The following CDC42 variants were observed in gnomAD, a reference collection of about 807,000 sequenced individuals.
CDC42 encodes cell division control protein 42 homolog.
CDC42 carries 1 observed loss-of-function variant against 20.8 expected under a neutral mutation model. The ratio of observed to expected loss-of-function variants is 0.05; its 90% confidence interval spans 0.02 to 0.23. CDC42 has a LOEUF of 0.23. Ranked by LOEUF, CDC42 falls within the 10% of genes least tolerant of loss-of-function variation. CDC42 has a pLI of 1.00. For missense variants in CDC42, 49 were observed against 227.9 expected (o/e 0.21, Z 5.05); for synonymous variants, 72 against 84.8 (o/e 0.85, Z 0.83).
chr1:22,071,353 A>G (rs376215405), intron 1 of CDC42, among the ~76,000 whole-genome samples: 1 of 152,102 alleles, frequency 6.6e-6, no homozygotes, highest in African/African-American at 2.4e-5. Context: ...CGGAACAAGC[A>G]TTTCTAACAA....
At position 22,098,300 on chromosome 1, in the gene CDC42, G is replaced by C. The variant is rs1249254331; in HGVS notation, c.*6783G>C. Among the ~76,000 whole-genome samples, 3 of 151,928 alleles carry C rather than the reference G, an allele frequency of 2.0e-5. No homozygotes were observed. In the East Asian group the frequency reaches 5.8e-4, roughly 29 times the overall value. On this transcript the variant is annotated 3_prime_UTR_variant, in exon 6 of 6. Transcript: ENST00000656825. ...AGTTATCATTGAGGTCTCAAATGCA[G>C]TTCGGGTTCCTGGTTGGTGAACAAT...
intron 1 of CDC42, among the ~76,000 whole-genome samples, chr1:22,069,680 T>C (rs1323779410): frequency 6.7e-6 from 1 of 149,660 alleles, no homozygotes; most frequent in Non-Finnish European, 1.5e-5. Context: ...TTGCCCAAGC[T>C]GGTCTTGATT....
At chr1:22,062,773 T>C (rs868320101) in intron 1 of CDC42, among the ~76,000 whole-genome samples, 2 of 148,346 alleles carry the variant, frequency 1.3e-5, no homozygotes, top group Non-Finnish European at 3.0e-5. Flanking sequence ...AAAGATTTTT[T>C]CCGAACTTAT....
chr1:22,073,355 G>T (rs962180044), intron 1 of CDC42, among the ~76,000 whole-genome samples: 1 of 151,832 alleles, frequency 6.6e-6, no homozygotes, highest in African/African-American at 2.4e-5. Flanking sequence ...TGGCCAATGT[G>T]GCGAAACCCC....
chr1:22,070,620 C>T (rs929738299), intron 1 of CDC42, among the ~76,000 whole-genome samples: 19 of 152,038 alleles, frequency 1.2e-4, no homozygotes, highest in East Asian at 5.8e-4. Flanking sequence ...TCCACCACCA[C>T]GCCCAGCTGA....
At chr1:22,071,037 T>G (rs191935957) in intron 1 of CDC42, among the ~76,000 whole-genome samples, 2 of 77,806 alleles carry the variant, frequency 2.6e-5, no homozygotes, top group African/African-American at 1.2e-4. Flanking sequence ...CATTTCTTTT[T>G]TTTTCTTTCT....
chr1:22,071,707 T>C (rs891692789), intron 1 of CDC42, among the ~76,000 whole-genome samples: 7 of 152,218 alleles, frequency 4.6e-5, no homozygotes, highest in Non-Finnish European at 1.0e-4. Flanking sequence ...ATAAGGAAGA[T>C]TGTGAAATTG....
chr1:22,078,886 C>A, intron 2 of CDC42: 11 of 1,000,586 alleles, frequency 1.1e-5, no homozygotes, highest in Non-Finnish European at 1.4e-5. Flanking sequence ...AATGAGGTGA[C>A]TTTTTTTTTT....
intron 1 of CDC42, chr1:22,074,024 TA>T (rs1229932856): frequency 6.6e-6 from 1 of 152,226 alleles, no homozygotes; most frequent in Non-Finnish European, 1.5e-5. Context: ...ACTTCACTGT[TA>T]AAAAGAGGTA....
rs1553195978 is a variant in CDC42, at chr1:22,085,244, A to AAAAG, written c.179-1192_179-1191insGAAA. 3.3e-4 allele frequency among the ~76,000 whole-genome samples: 45 copies of AAAAG among 135,928 alleles called. 6 individuals are homozygous for AAAAG. Among genetic ancestry groups the AAAAG allele is most frequent in the East Asian group, 8.4e-4 (4 of 4,758 alleles). The allele number at this position is 135,928 out of a possible 152,430, so 89.2% of individuals were successfully genotyped here. On this transcript the variant is annotated intron_variant, in intron 3 of 5. Transcript: ENST00000656825. ...GAGACTCTGTCTAAAAAAAAAAAAA[A>AAAAG]AAAAGAAAAATCATTTGCCCACATA...
At position 22,094,038 on chromosome 1, in the gene CDC42, A is replaced by G. The variant is rs967899656; in HGVS notation, c.*2521A>G. Among the ~76,000 whole-genome samples, 1 of 152,196 alleles carries G rather than the reference A, an allele frequency of 6.6e-6. No homozygotes were observed. Among genetic ancestry groups the G allele is most frequent in the African/African-American group, 2.4e-5 (1 of 41,444 alleles). On this transcript the variant is annotated 3_prime_UTR_variant, in exon 6 of 6. Transcript: ENST00000656825. ...ATTTTCAGATTGATTTCTGCATGTCAGAAGAACTTGGGTAGCAAGTGGATG... is the reference window on the plus strand; with the variant it reads ...ATTTTCAGATTGATTTCTGCATGTCGGAAGAACTTGGGTAGCAAGTGGATG...
chr1:22,063,113 TGTTTC>T (rs1165768643), intron 1 of CDC42, among the ~76,000 whole-genome samples: 1 of 152,134 alleles, frequency 6.6e-6, no homozygotes, highest in Non-Finnish European at 1.5e-5. Flanking sequence ...TTTTTTTGTT[TGTTTC>T]TTTTTTCCAC....
In CDC42 at chr1:22,094,363, T is replaced by C. The variant is rs1280486150; in HGVS notation, c.*2846T>C. 1.8e-5 allele frequency among the ~76,000 whole-genome samples: 2 copies of C among 113,716 alleles called. No homozygotes were observed. Among genetic ancestry groups the C allele is most frequent in the Admixed American group, 2.3e-4 (2 of 8,844 alleles). 74.6% of individuals were successfully genotyped at this position (113,716 alleles called of 152,430 possible). A position where few individuals can be genotyped will look rare whatever the true frequency, so the allele number is the denominator to read the frequency against. Reference sequence around the variant, plus strand: ...CCCAGGCTGGAGTGCAGTGGCGCGATCTCGGCTCACTGCAAGCTCCGCCTC... The same window carrying C: ...CCCAGGCTGGAGTGCAGTGGCGCGACCTCGGCTCACTGCAAGCTCCGCCTC... On this transcript the variant is annotated 3_prime_UTR_variant, in exon 6 of 6. Coordinates refer to ENST00000656825, the MANE Select transcript of CDC42 (RefSeq NM_001791.4).
intron 1 of CDC42, among the ~76,000 whole-genome samples, chr1:22,056,908 GCT>G: frequency 6.6e-6 from 1 of 152,186 alleles, no homozygotes; most frequent in Admixed American, 6.5e-5. Context: ...TCTGATTTAG[GCT>G]CTGTTACTGT....
intron 1 of CDC42, chr1:22,059,568 GA>G (rs35378955): frequency 0.95 from 143,651 of 151,854 alleles, 68,038 homozygotes; most frequent in East Asian, 1. Flanking sequence ...TTTTTTTTGA[GA>G]ATTCTCGCTC....
At chr1:22,053,842 C>T (rs1459847185) in intron 1 of CDC42, among the ~76,000 whole-genome samples, 1 of 152,128 alleles carries the variant, frequency 6.6e-6, no homozygotes, top group Non-Finnish European at 1.5e-5. Flanking sequence ...GTTTAAAATC[C>T]CAGGATTAGT....
rs1343073946 is a variant in CDC42 at position 22,095,765 on chromosome 1, G to A, written c.*4248G>A. ...TCTAGCCTTCAGATTGGGCTCAGGT[G>A]GGCTTTGTGTTTGTCATTCTGGAGC... On this transcript the variant is annotated 3_prime_UTR_variant, in exon 6 of 6. Coordinates refer to ENST00000656825, the MANE Select transcript of CDC42 (RefSeq NM_001791.4). Among the ~76,000 whole-genome samples, 3 of 152,062 alleles carry A rather than the reference G, an allele frequency of 2.0e-5. No individual in the cohort carries two copies. Among genetic ancestry groups the A allele is most frequent in the Non-Finnish European group, 2.9e-5 (2 of 68,012 alleles).
rs1450596830 is a variant in CDC42, at chr1:22,097,343, G to T, written c.*5826G>T. On this transcript the variant is annotated 3_prime_UTR_variant, in exon 6 of 6. Transcript: ENST00000656825. Reference sequence around the variant, plus strand: ...GTGATCTCGGCTTGCTGCAATCTCTGCAATTCTCATGCCTCAGCCTCCCAA... The same window carrying T: ...GTGATCTCGGCTTGCTGCAATCTCTTCAATTCTCATGCCTCAGCCTCCCAA... Among the ~76,000 whole-genome samples the T allele has an allele frequency of 6.6e-6, 1 of 152,120 alleles. No homozygotes were observed. Among genetic ancestry groups the T allele is most frequent in the Non-Finnish European group, 1.5e-5 (1 of 68,016 alleles).
chr1:22,059,626 C>T (rs1243371649), intron 1 of CDC42: 5 of 152,154 alleles, frequency 3.3e-5, no homozygotes, highest in African/African-American at 1.2e-4. Flanking sequence ...CTCACTGCAA[C>T]CTTGCCTCCC....
Sources: allele counts gnomAD v4.1 joint callset (sites outside exome capture counted in the v4.1 genomes callset), GRCh38; gene constraint gnomAD v4.1.1; transcripts MANE v1.5; gene names NCBI Gene and HGNC (gene_info 2026-07-23, HGNC 2026-07-21).